UMAD1: variants seen among roughly 807,000 people sequenced by gnomAD.
UMAD1 encodes UBAP1-MVB12-associated (UMA) domain containing 1, also known as UBAP1-MVB12-associated (UMA)-domain containing protein 1.
A neutral mutation model predicts 6.1 loss-of-function variants in UMAD1; 8 were observed. The observed-to-expected ratio is 1.30, with a 90% confidence interval of 0.76 to 2.35. The LOEUF is 2.35. Ranked by LOEUF, UMAD1 falls within the 30% of genes most tolerant of loss-of-function variation. UMAD1 has a pLI of 0.00. For synonymous variants in UMAD1, 56 were observed against 31.4 expected (o/e 1.78, Z -2.61); for missense variants, 130 against 78.4 (o/e 1.66, Z -2.49).
intron 3 of UMAD1, among the ~76,000 whole-genome samples, chr7:7,803,990 A>C (rs1175293124): frequency 6.6e-6 from 1 of 152,242 alleles, no homozygotes; most frequent in Non-Finnish European, 1.5e-5. Context: ...TCTTAAGGAA[A>C]GATGCTTTTA....
chr7:7,864,510 G>A (rs10270850), intron 3 of UMAD1, among the ~76,000 whole-genome samples: 7 of 150,882 alleles, frequency 4.6e-5, no homozygotes, highest in Non-Finnish European at 1.0e-4. Flanking sequence ...ACGCAGACAC[G>A]CCAGTTCTTC....
intron 3 of UMAD1, among the ~76,000 whole-genome samples, chr7:7,864,679 T>C (rs1784194434): frequency 6.6e-6 from 1 of 151,522 alleles, no homozygotes; most frequent in Non-Finnish European, 1.5e-5. Flanking sequence ...TGAGTTTTTT[T>C]TCTTATCCAT....
chr7:7,852,004 G>T (rs1783925586), intron 3 of UMAD1, among the ~76,000 whole-genome samples: 1 of 152,082 alleles, frequency 6.6e-6, no homozygotes, highest in Non-Finnish European at 1.5e-5. Flanking sequence ...AGTTTTATAT[G>T]TTAGCTTTTA....
intron 2 of UMAD1, among the ~76,000 whole-genome samples, chr7:7,699,000 G>A (rs915229221): frequency 2.6e-5 from 4 of 150,984 alleles, no homozygotes; most frequent in Non-Finnish European, 5.9e-5. Flanking sequence ...GACTACAGGA[G>A]TGCACCATCA....
intron 2 of UMAD1, among the ~76,000 whole-genome samples, chr7:7,784,894 C>G (rs1408294509): frequency 6.6e-6 from 1 of 151,404 alleles, no homozygotes; most frequent in African/African-American, 2.4e-5. Context: ...TCCCGAGTAG[C>G]TGGGACTACA....
At chr7:7,793,992 T>C (rs1782619417) in intron 2 of UMAD1, among the ~76,000 whole-genome samples, 2 of 152,156 alleles carry the variant, frequency 1.3e-5, no homozygotes, top group Admixed American at 1.3e-4. Flanking sequence ...TCTTAGATGC[T>C]AAAGTGCATT....
chr7:7,740,352 T>C (rs1178134977), intron 2 of UMAD1, among the ~76,000 whole-genome samples: 1 of 152,202 alleles, frequency 6.6e-6, no homozygotes, highest in Non-Finnish European at 1.5e-5. Flanking sequence ...ATCTGTTTTC[T>C]CTCCCCACCC....
intron 2 of UMAD1, among the ~76,000 whole-genome samples, chr7:7,800,541 C>T (rs1782778803): frequency 6.6e-6 from 1 of 152,106 alleles, no homozygotes. Flanking sequence ...CACCCATCAC[C>T]TGAGCGGTGT....
At chr7:7,857,486 A>G (rs760945872) in intron 3 of UMAD1, among the ~76,000 whole-genome samples, 4 of 152,240 alleles carry the variant, frequency 2.6e-5, no homozygotes, top group Non-Finnish European at 4.4e-5. Context: ...GAATGTGGGC[A>G]GTTGAATGCA....
At chr7:7,755,051 A>G (rs754535600) in intron 2 of UMAD1, among the ~76,000 whole-genome samples, 5 of 152,094 alleles carry the variant, frequency 3.3e-5, no homozygotes, top group African/African-American at 9.7e-5. Context: ...TTTGTTCACA[A>G]CCCTTCGGTG....
intron 2 of UMAD1, among the ~76,000 whole-genome samples, chr7:7,757,671 A>T (rs1022068374): frequency 6.6e-6 from 1 of 152,178 alleles, no homozygotes; most frequent in Non-Finnish European, 1.5e-5. Context: ...CTCCTGTTCA[A>T]CCACTTGCTA....
chr7:7,821,889 C>A (rs1006324745), intron 3 of UMAD1, among the ~76,000 whole-genome samples: 2 of 152,088 alleles, frequency 1.3e-5, no homozygotes, highest in Non-Finnish European at 2.9e-5. Context: ...TTTACTATAT[C>A]CCATAAATTA....
At chr7:7,730,527 C>T (rs571265690) in intron 2 of UMAD1, among the ~76,000 whole-genome samples, 1 of 152,256 alleles carries the variant, frequency 6.6e-6, no homozygotes, top group East Asian at 1.9e-4. Flanking sequence ...TCATACTTGC[C>T]TAGTTCATTC....
chr7:7,768,331 T>G (rs188041830), intron 2 of UMAD1, among the ~76,000 whole-genome samples: 1 of 152,142 alleles, frequency 6.6e-6, no homozygotes, highest in African/African-American at 2.4e-5. Flanking sequence ...TTGAGAGGGA[T>G]TTCCTCATTT....
At chr7:7,840,123 C>A (rs1783649796) in intron 3 of UMAD1, among the ~76,000 whole-genome samples, 1 of 152,090 alleles carries the variant, frequency 6.6e-6, no homozygotes, top group Non-Finnish European at 1.5e-5. Context: ...CAGGGCAGGT[C>A]ACAAAATTGG....
intron 2 of UMAD1, among the ~76,000 whole-genome samples, chr7:7,762,382 T>C (rs1049158068): frequency 1.3e-5 from 2 of 152,194 alleles, no homozygotes; most frequent in African/African-American, 4.8e-5. Flanking sequence ...AATATTTTCA[T>C]TCGAGGTTTC....
intron 3 of UMAD1, among the ~76,000 whole-genome samples, chr7:7,842,324 A>G (rs572989144): frequency 1.1e-4 from 17 of 152,294 alleles, no homozygotes; most frequent in African/African-American, 3.8e-4. Flanking sequence ...TTCTACACAT[A>G]ATGGTTTTTA....
At chr7:7,860,895 A>C (rs1164040058) in intron 3 of UMAD1, among the ~76,000 whole-genome samples, 7 of 152,340 alleles carry the variant, frequency 4.6e-5, no homozygotes, top group Non-Finnish European at 1.0e-4. Context: ...TGGCATATAC[A>C]TACAATGAAA....
At chr7:7,777,436 G>T (rs1011284440) in intron 2 of UMAD1, among the ~76,000 whole-genome samples, 1 of 150,216 alleles carries the variant, frequency 6.7e-6, no homozygotes, top group African/African-American at 2.5e-5. Flanking sequence ...AACCCGGGAG[G>T]TGGTGGTTGC....
Sources: gnomAD v4.1 joint callset for allele counts (sites outside exome capture counted in the v4.1 genomes callset) on GRCh38, gnomAD v4.1.1 for gene constraint, MANE v1.5 for transcripts, NCBI Gene and HGNC (gene_info 2026-07-23, HGNC 2026-07-21) for gene names.